The following AGMO variants were observed in gnomAD, a reference collection of about 807,000 sequenced individuals.
AGMO encodes alkylglycerol monooxygenase.
In AGMO, 75 loss-of-function variants were observed where a neutral mutation model predicts 60.2. The ratio of observed to expected loss-of-function variants is 1.25; its 90% confidence interval spans 1.03 to 1.51. The LOEUF (loss-of-function observed/expected upper bound fraction) is 1.51, where lower values mean the gene tolerates loss of function less well. Ranked by LOEUF, AGMO falls within the 40% of genes most tolerant of loss-of-function variation. The pLI, the probability that AGMO is intolerant of heterozygous loss-of-function variation, is 0.00. For synonymous variants in AGMO, 261 were observed against 177.1 expected (o/e 1.47, Z -3.76); for missense variants, 763 against 525.5 (o/e 1.45, Z -4.42).
intron 12 of AGMO, among the ~76,000 whole-genome samples, chr7:15,283,334 G>C (rs1784018989): frequency 1.3e-5 from 2 of 151,914 alleles, no homozygotes; most frequent in Non-Finnish European, 2.9e-5. Flanking sequence ...CTGTCTTCAA[G>C]AGATTCATCT....
intron 12 of AGMO, among the ~76,000 whole-genome samples, chr7:15,270,807 CTTTAATT>C (rs1384138785): frequency 5.0e-5 from 7 of 139,250 alleles, no homozygotes; most frequent in African/African-American, 2.0e-4. Context: ...ATATTTAAGT[CTTTAATT>C]TTTAAGTATT....
At chr7:15,314,976 G>A (rs938005526) in intron 12 of AGMO, among the ~76,000 whole-genome samples, 6 of 152,042 alleles carry the variant, frequency 3.9e-5, no homozygotes, top group Admixed American at 2.6e-4. Context: ...TGTAAGGACC[G>A]AAGCGACATG....
the AGMO span, among the ~76,000 whole-genome samples, chr7:15,143,204 G>T: frequency 6.6e-6 from 1 of 152,130 alleles, no homozygotes; most frequent in African/African-American, 2.4e-5. Context: ...GCTATTGAAC[G>T]TGAAATTGAT....
At chr7:15,534,415 A>G (rs1309957724) in intron 3 of AGMO, among the ~76,000 whole-genome samples, 1 of 152,056 alleles carries the variant, frequency 6.6e-6, no homozygotes, top group East Asian at 1.9e-4. Context: ...ATCAAATTCC[A>G]TGATATTCAC....
chr7:15,327,956 G>C (rs999798366), intron 12 of AGMO, among the ~76,000 whole-genome samples: 1 of 150,508 alleles, frequency 6.6e-6, no homozygotes, highest in African/African-American at 2.4e-5. Context: ...ATTTTTTTTT[G>C]GTTGAGACAG....
chr7:15,195,331 G>T (rs982046808), downstream of AGMO, among the ~76,000 whole-genome samples: 3 of 152,052 alleles, frequency 2.0e-5, no homozygotes, highest in Admixed American at 6.6e-5. Context: ...TTTTTTCCTT[G>T]CAGGGAGAGA....
At chr7:15,462,704 A>C (rs1308502352) in intron 3 of AGMO, among the ~76,000 whole-genome samples, 1 of 152,188 alleles carries the variant, frequency 6.6e-6, no homozygotes, top group East Asian at 1.9e-4. Flanking sequence ...AGAAAAATTA[A>C]GCTCTATCAT....
At chr7:15,561,032 C>G (rs1785288954) in intron 1 of AGMO, among the ~76,000 whole-genome samples, 1 of 152,100 alleles carries the variant, frequency 6.6e-6, no homozygotes, top group South Asian at 2.1e-4. Flanking sequence ...AGTTTTGAAG[C>G]TTTCTAAACT....
At chr7:15,243,746 T>C (rs1480985248) in intron 12 of AGMO, among the ~76,000 whole-genome samples, 2 of 152,186 alleles carry the variant, frequency 1.3e-5, no homozygotes, top group Admixed American at 1.3e-4. Flanking sequence ...GCACAATCTG[T>C]GTATTTTTTC....
chr7:15,281,317 G>T (rs142148892), intron 12 of AGMO, among the ~76,000 whole-genome samples: 195 of 152,270 alleles, frequency 1.3e-3, no homozygotes, highest in African/African-American at 4.6e-3. Flanking sequence ...TACAGCTGGG[G>T]CTTCCACCAT....
At chr7:15,435,837 T>C (rs1181151112) in intron 3 of AGMO, among the ~76,000 whole-genome samples, 1 of 152,222 alleles carries the variant, frequency 6.6e-6, no homozygotes, top group African/African-American at 2.4e-5. Flanking sequence ...GTAACCCTCC[T>C]ACATATATTA....
chr7:15,526,121 C>T (rs570044700), intron 3 of AGMO, among the ~76,000 whole-genome samples: 3 of 152,186 alleles, frequency 2.0e-5, no homozygotes, highest in Non-Finnish European at 4.4e-5. Context: ...GCAAGCCAGG[C>T]ACTGCCCGGC....
intron 5 of AGMO, among the ~76,000 whole-genome samples, chr7:15,394,504 T>C (rs1784290421): frequency 6.6e-6 from 1 of 152,210 alleles, no homozygotes; most frequent in Non-Finnish European, 1.5e-5. Context: ...TTTTCTCATC[T>C]TTAAAATGGA....
chr7:15,411,107 G>A (rs1780580316), intron 5 of AGMO, among the ~76,000 whole-genome samples: 1 of 151,880 alleles, frequency 6.6e-6, no homozygotes, highest in African/African-American at 2.4e-5. Flanking sequence ...ATGGGCTCCT[G>A]ATAAAAGGAT....
At chr7:15,232,799 A>ACG (rs1554398735) in intron 12 of AGMO, among the ~76,000 whole-genome samples, 1,371 of 118,942 alleles carry the variant, frequency 0.012, 19 homozygotes, top group African/African-American at 0.053. Context: ...CCACACACAC[A>ACG]CGCACACACA....
intron 10 of AGMO, among the ~76,000 whole-genome samples, chr7:15,383,503 T>C (rs978725757): frequency 6.6e-6 from 1 of 152,172 alleles, no homozygotes; most frequent in East Asian, 1.9e-4. Flanking sequence ...CCTTTCCTTA[T>C]AATTAACTAT....
the AGMO span, among the ~76,000 whole-genome samples, chr7:15,167,649 A>G: frequency 6.6e-6 from 1 of 152,330 alleles, no homozygotes; most frequent in East Asian, 1.9e-4. Flanking sequence ...TTGCAGGGCT[A>G]AGATTACTAT....
chr7:15,186,108 G>A, the AGMO span, among the ~76,000 whole-genome samples: 13 of 152,182 alleles, frequency 8.5e-5, no homozygotes, highest in South Asian at 2.1e-4. Flanking sequence ...CATTGCAGTC[G>A]GAGACTCTCC....
intron 12 of AGMO, among the ~76,000 whole-genome samples, chr7:15,238,966 T>C (rs2128502197): frequency 6.6e-6 from 1 of 152,274 alleles, no homozygotes; most frequent in African/African-American, 2.4e-5. Context: ...ACATAATGAC[T>C]TTTTGAAGTA....
Sources: allele counts gnomAD v4.1 joint callset (sites outside exome capture counted in the v4.1 genomes callset), GRCh38; gene constraint gnomAD v4.1.1; transcripts MANE v1.5; gene names NCBI Gene and HGNC (gene_info 2026-07-23, HGNC 2026-07-21).